The following NPTX1 variants were observed in gnomAD, a reference collection of about 807,000 sequenced individuals.
NPTX1 encodes the protein neuronal pentraxin 1.
In NPTX1, 12 loss-of-function variants were observed where a neutral mutation model predicts 38.7. That is an observed-to-expected ratio of 0.31 (90% confidence interval 0.20 to 0.50). The LOEUF is 0.50. Ranked by LOEUF, NPTX1 falls within the 20% of genes least tolerant of loss-of-function variation. The pLI, the probability that NPTX1 is intolerant of heterozygous loss-of-function variation, is 0.98. For missense variants in NPTX1, 454 were observed against 592.2 expected, an observed-to-expected ratio of 0.77 and a Z score of 2.42; for synonymous variants, 272 against 264.9, an observed-to-expected ratio of 1.03 and a Z score of -0.26.
At chr17:80,473,085 T>C in intron 3 of NPTX1, 115 bp downstream of exon 3, 1 of 1,150,614 alleles carries the variant, frequency 8.7e-7, no homozygotes, top group Non-Finnish European at 1.2e-6. Context: ...TGGCAAACAC[T>C]TTCCTTGGGG....
In NPTX1 at chr17:80,470,474, C is replaced by T. The variant is rs142109116; in HGVS notation, c.*339G>A. 0.014 allele frequency: 2,574 copies of T among 185,684 alleles called. 28 individuals carry two copies. Among genetic ancestry groups the T allele is most frequent in the South Asian group, 0.062 (326 of 5,248 alleles). The allele number at this position is 185,684 out of a possible 1,614,324, so 11.5% of individuals were successfully genotyped here. ...AAAGAAAAGGCCTCCCCCAGCCACGCACGCACACACGTAGACACACACATG... is the reference window on the plus strand; with the variant it reads ...AAAGAAAAGGCCTCCCCCAGCCACGTACGCACACACGTAGACACACACATG... On this transcript the variant is annotated 3_prime_UTR_variant, in exon 5 of 5. Coordinates refer to ENST00000306773, the MANE Select transcript of NPTX1 (RefSeq NM_002522.4).
Position 80,476,435 on chromosome 17 carries a change from G to A in NPTX1, c.12C>T (p.Gly4=), listed in dbSNP as rs978966613. 42 of 1,339,512 alleles carry A rather than the reference G, an allele frequency of 3.1e-5. No homozygotes were observed. The African/African-American group carries it at 4.2e-4, about 13-fold the overall frequency. 83.0% of individuals were successfully genotyped at this position (1,339,512 alleles called of 1,614,324 possible). Residue 4 remains glycine, a synonymous_variant, in exon 1 of 5, where the codon GGC becomes GGT. Transcript: ENST00000306773. This position sits in a 1 kb window ranked among gnomAD's most constrained non-coding sequence, Gnocchi z 6.3. The part of the protein sequence containing the change: MPA[G]RAARTCALLA... ...GCAGCGCACAGGTGCGCGCGGCGCG[G>A]CCGGCCGGCATGGCTGCGGGCACCG...
At position 80,476,105 on chromosome 17, in the gene NPTX1, G is replaced by T. The variant is rs745786003; in HGVS notation, c.342C>A (p.Gly114=). 2 of 1,603,944 alleles carry T rather than the reference G, an allele frequency of 1.2e-6. No individual in the cohort carries two copies. Among genetic ancestry groups the T allele is most frequent in the Admixed American group, 3.3e-5 (2 of 59,762 alleles). ...AGGGRKQPGS[G]KNTMGDLSRT... is the part of the protein sequence containing the mutation. ...GGGACAGGTCGCCCATGGTGTTCTT[G>T]CCCGAGCCGGGCTGCTTGCGGCCGC... Residue 114 remains glycine (G), a synonymous_variant, in exon 1 of 5, where the codon GGC becomes GGA. Coordinates refer to ENST00000306773, the MANE Select transcript of NPTX1 (RefSeq NM_002522.4). This position sits in a 1 kb window ranked among gnomAD's most constrained non-coding sequence, Gnocchi z 6.3.
In NPTX1 at chr17:80,476,288, C is replaced by A; in HGVS notation, c.159G>T (p.Glu53Asp). Residue 53 changes from glutamate (E) to aspartate (D), a missense_variant, in exon 1 of 5, where the codon GAG becomes GAT. This residue lies in a region of NPTX1 where 288 missense variants were observed against 318.4 expected (regional missense o/e 0.90). Transcript: ENST00000306773. The surrounding 1 kb of genome is among the most constrained non-coding windows in gnomAD (Gnocchi z 6.3). Reference sequence around the variant, plus strand: ...GGAGCTGCAGCACGCTGCTCCGGAGCTCCTCGGCGCCGCCGGCGGCCACGG... The same window carrying A: ...GGAGCTGCAGCACGCTGCTCCGGAGATCCTCGGCGCCGCCGGCGGCCACGG... ...AASVAAGGAE[E>D]LRSSVLQLRE... The A allele has an allele frequency of 6.4e-7, 1 of 1,562,426 alleles. No homozygotes were observed. The highest frequency in any genetic ancestry group is 8.6e-7 in the Non-Finnish European group (1 of 1,161,832).
intron 3 of NPTX1, 85 bp from the exon 4 acceptor site, chr17:80,471,996 A>G (rs2083845110): frequency 2.5e-6 from 3 of 1,208,824 alleles, no homozygotes; most frequent in Non-Finnish European, 3.4e-6. Context: ...AGTTGTTCCT[A>G]TCTCTACTTG....
chr17:80,474,425 G>A (rs2083862924), intron 2 of NPTX1: 1 of 152,392 alleles, frequency 6.6e-6, no homozygotes, highest in Admixed American at 6.5e-5. Flanking sequence ...GGTCCTGCCA[G>A]GAAGCCCAGA....
At chr17:80,471,107 T>A in intron 4 of NPTX1, 73 bp from the exon 5 acceptor site, 3 of 1,164,284 alleles carry the variant, frequency 2.6e-6, no homozygotes, top group Non-Finnish European at 3.7e-6. Flanking sequence ...AGGCCGGGGA[T>A]CTGAGTGCCT....
rs138351937 is a variant in NPTX1 at position 80,473,268 on chromosome 17, C to T, written c.829G>A (p.Gly277Ser). 18 of 1,613,732 alleles carry T rather than the reference C, an allele frequency of 1.1e-5. No individual in the cohort carries two copies. The highest frequency in any genetic ancestry group is 5.3e-5 in the African/African-American group (4 of 74,942). Residue 277 changes from glycine to serine, a missense_variant, in exon 3 of 5, where the codon GGC becomes AGC. Gly to Ser is a moderately conservative substitution (Grantham distance 56). Transcript: ENST00000306773. ...VGTPFSYAVP[G>S]QANELVLIEW... ...ATGAGGACCAGCTCGTTGGCCTGGC[C>T]GGGCACAGCGTAGGAGAAGGGCGTG...
Position 80,476,073 on chromosome 17 carries a change from G to T in NPTX1, c.374C>A (p.Pro125Gln). The T allele has an allele frequency of 6.2e-7, 1 of 1,608,022 alleles. No individual in the cohort carries two copies. The highest frequency in any genetic ancestry group is 8.5e-7 in the Non-Finnish European group (1 of 1,178,354). ...GAGTTGGCTGAGCGTCTCGGCGGCCGGTGTCCGGGACAGGTCGCCCATGGT... is the reference window on the plus strand; with the variant it reads ...GAGTTGGCTGAGCGTCTCGGCGGCCTGTGTCCGGGACAGGTCGCCCATGGT... ...KNTMGDLSRT[P>Q]AAETLSQLGQ... Residue 125 changes from proline (P) to glutamine (Q), a missense_variant, in exon 1 of 5, where the codon CCG (proline) becomes CAG (glutamine). By Grantham distance (76) the Pro-to-Gln change is moderately conservative. This residue lies in a region of NPTX1 where 288 missense variants were observed against 318.4 expected (regional missense o/e 0.90). Transcript: ENST00000306773. This position sits in a 1 kb window ranked among gnomAD's most constrained non-coding sequence, Gnocchi z 6.3.
rs547013056 is a variant in NPTX1 at position 80,470,691 on chromosome 17, G to T, written c.*122C>A. 1.5e-6 allele frequency: 1 copy of T among 676,756 alleles called. No individual in the cohort carries two copies. Among genetic ancestry groups the T allele is most frequent in the Middle Eastern group, 4.2e-4 (1 of 2,390 alleles). 41.9% of individuals were successfully genotyped at this position (676,756 alleles called of 1,614,324 possible). ...ACAAAACCAGGCTGTGTGCGTGTGCGTGTGCAGGGGCGACGGCCTCGGTTC... is the reference window on the plus strand; with the variant it reads ...ACAAAACCAGGCTGTGTGCGTGTGCTTGTGCAGGGGCGACGGCCTCGGTTC... On this transcript the variant is annotated 3_prime_UTR_variant, in exon 5 of 5. Coordinates refer to ENST00000306773, the MANE Select transcript of NPTX1 (RefSeq NM_002522.4).
rs750982074 is a variant in NPTX1, at chr17:80,475,757, C to T, written c.445-39G>A. Reference sequence around the variant, plus strand: ...GGGCGGGGGAAACCACACCGTTAGGCGAGGCGCGGGGACCGTGCTGGAAGG... The same window carrying T: ...GGGCGGGGGAAACCACACCGTTAGGTGAGGCGCGGGGACCGTGCTGGAAGG... On this transcript the variant is annotated intron_variant, in intron 1 of 4. Coordinates refer to ENST00000306773, the MANE Select transcript of NPTX1 (RefSeq NM_002522.4). This position sits in a 1 kb window ranked among gnomAD's most constrained non-coding sequence, Gnocchi z 6.5. 6.7e-7 allele frequency: 1 copy of T among 1,500,092 alleles called. No individual in the cohort carries two copies. The highest frequency in any genetic ancestry group is 1.2e-5 in the South Asian group (1 of 86,822). The allele number at this position is 1,500,092 out of a possible 1,614,324, so 92.9% of individuals were successfully genotyped here. A position where few individuals can be genotyped will look rare whatever the true frequency, so the allele number is the denominator to read the frequency against.
chr17:80,474,134 G>GTGAC (rs1481583285), intron 2 of NPTX1: 1 of 152,690 alleles, frequency 6.5e-6, no homozygotes, highest in Non-Finnish European at 1.5e-5. Context: ...GCTCCCCAAG[G>GTGAC]TGACTGCTCT....
chr17:80,471,292 C>T (rs538396018), intron 4 of NPTX1, among the ~76,000 whole-genome samples: 19 of 152,326 alleles, frequency 1.2e-4, no homozygotes, highest in Admixed American at 2.6e-4. Context: ...TCTGCCCCTC[C>T]TGCAGCTGGT....
At chr17:80,472,967 C>T (rs1229827015) in intron 3 of NPTX1, among the ~76,000 whole-genome samples, 1 of 152,242 alleles carries the variant, frequency 6.6e-6, no homozygotes. Flanking sequence ...CCCGTACCCA[C>T]CCCAGGAGGC....
At position 80,475,880 on chromosome 17, in the gene NPTX1, GGCCGGGCACCC is replaced by G. The variant is rs1568276195; in HGVS notation, c.444+112_444+122del. ...GGCCTCGCAGGCGCGGGGAGGCACC[GGCCGGGCACCC>G]GCGCGGCTGAGGCGAGGGCGGGGGA... On this transcript the variant is annotated intron_variant, in intron 1 of 4. Transcript: ENST00000306773. This position sits in a 1 kb window ranked among gnomAD's most constrained non-coding sequence, Gnocchi z 6.5. 1.1e-6 allele frequency: 1 copy of G among 900,422 alleles called. No individual in the cohort carries two copies. The highest frequency in any genetic ancestry group is 1.5e-6 in the Non-Finnish European group (1 of 645,440). 55.8% of individuals were successfully genotyped at this position (900,422 alleles called of 1,614,324 possible). A position where few individuals can be genotyped will look rare whatever the true frequency, so the allele number is the denominator to read the frequency against.
intron 3 of NPTX1, 105 bp from the exon 4 acceptor site, chr17:80,472,016 T>A: frequency 2.9e-6 from 3 of 1,035,096 alleles, no homozygotes; most frequent in Non-Finnish European, 4.1e-6. Context: ...GCAAAGTAAA[T>A]GTCAATAACT....
rs1207162291 is a variant in NPTX1 at position 80,476,249 on chromosome 17, C to T, written c.198G>A (p.Leu66=). 1.3e-6 allele frequency: 2 copies of T among 1,567,076 alleles called. No homozygotes were observed. Among genetic ancestry groups the T allele is most frequent in the Non-Finnish European group, 1.7e-6 (2 of 1,164,692 alleles). ...GGCTCAGGATGGTCTCCTTCTGCTG[C>T]AGCACCGTCTCGCGGAGCTGCAGCA... The part of the protein sequence containing the change: ...SSVLQLRETV[L]QQKETILSQK... Residue 66 remains leucine (L), a synonymous_variant, in exon 1 of 5, where the codon CTG becomes CTA. Coordinates refer to ENST00000306773, the MANE Select transcript of NPTX1 (RefSeq NM_002522.4). The surrounding 1 kb of genome is among the most constrained non-coding windows in gnomAD (Gnocchi z 6.3).
rs1461019706 is a variant in NPTX1, at chr17:80,467,949, C to A, written c.*2864G>T. 2.6e-5 allele frequency: 4 copies of A among 152,638 alleles called. No homozygotes were observed. The highest frequency in any genetic ancestry group is 2.6e-4 in the Admixed American group (4 of 15,288). 9.5% of individuals were successfully genotyped at this position (152,638 alleles called of 1,614,324 possible). A position where few individuals can be genotyped will look rare whatever the true frequency, so the allele number is the denominator to read the frequency against. ...GCCCGGAGAGCTTCTGTCAACAGCT[C>A]TCCCACCCCGGACACCCAGGGAGCT... On this transcript the variant is annotated 3_prime_UTR_variant, in exon 5 of 5. Transcript: ENST00000306773.
chr17:80,475,493 T>C lies in NPTX1; in HGVS notation c.652+18A>G. ...AGCAGGTGCAGGCAGGCAGCACGGC[T>C]CCCCCTGGCCCCAGTACCTTTCTCG... On this transcript the variant is annotated intron_variant, in intron 2 of 4. Coordinates refer to ENST00000306773, the MANE Select transcript of NPTX1 (RefSeq NM_002522.4). This position sits in a 1 kb window ranked among gnomAD's most constrained non-coding sequence, Gnocchi z 6.5. The C allele has an allele frequency of 6.3e-7, 1 of 1,589,460 alleles. No homozygotes were observed.
Sources: allele counts gnomAD v4.1 joint callset (sites outside exome capture counted in the v4.1 genomes callset), GRCh38; gene constraint gnomAD v4.1.1; regional missense constraint gnomAD v4.1.1; non-coding constraint Gnocchi (gnomAD v3.1); transcripts MANE v1.5; gene names NCBI Gene and HGNC (gene_info 2026-07-23, HGNC 2026-07-21).